The following KCNQ3 variants were observed in gnomAD, a reference collection of about 807,000 sequenced individuals.
KCNQ3 encodes the protein potassium voltage-gated channel subfamily KQT member 3.
In KCNQ3, 30 loss-of-function variants were observed where a neutral mutation model predicts 92.5. The observed-to-expected ratio is 0.32, with a 90% CI of 0.24 to 0.44. KCNQ3 has a LOEUF of 0.44. Among genes scored for constraint, KCNQ3 ranks in the 20% least tolerant of loss-of-function variants. The probability of loss-of-function intolerance (pLI) is 1.00; values close to 1 mark genes in which losing one functional copy is unlikely to be tolerated. For synonymous variants in KCNQ3, 450 were observed against 468.8 expected, an observed-to-expected ratio of 0.96 and a Z score of 0.52; for missense variants, 913 against 1,140.3, an observed-to-expected ratio of 0.80 and a Z score of 2.87.
chr8:132,249,230 A>G (rs7814576), intron 1 of KCNQ3, among the ~76,000 whole-genome samples: 102,720 of 152,126 alleles, frequency 0.68, 35,662 homozygotes, highest in East Asian at 0.86. Flanking sequence ...TGCCACTGCC[A>G]GCTGGGGCAG....
Position 132,380,839 on chromosome 8 carries a change from C to G in KCNQ3, c.386+99308G>C, listed in dbSNP as rs939900351. ...ACACAGCTCTGCAGACCTCCCAGCCCCAGAGAAAGTCCCAGCTCATCACGA... is the reference window on the plus strand; with the variant it reads ...ACACAGCTCTGCAGACCTCCCAGCCGCAGAGAAAGTCCCAGCTCATCACGA... On this transcript the variant is annotated intron_variant, in intron 1 of 14. Coordinates refer to ENST00000388996, the MANE Select transcript of KCNQ3 (RefSeq NM_004519.4). 4.6e-5 allele frequency among the ~76,000 whole-genome samples: 7 copies of G among 151,442 alleles called. No homozygotes were observed. In the South Asian group the frequency reaches 1.5e-3, roughly 32 times the overall value.
chr8:132,260,363 C>T (rs886899850), intron 1 of KCNQ3, among the ~76,000 whole-genome samples: 5 of 152,114 alleles, frequency 3.3e-5, no homozygotes, highest in African/African-American at 9.7e-5. Context: ...CAAGGTTCTA[C>T]GTGTCAAACT....
intron 1 of KCNQ3, among the ~76,000 whole-genome samples, chr8:132,412,270 C>T (rs1183802925): frequency 6.6e-6 from 1 of 152,152 alleles, no homozygotes; most frequent in Non-Finnish European, 1.5e-5. Flanking sequence ...TAGCTCCCCC[C>T]ACCCGCCGGC....
chr8:132,394,146 G>C (rs1018132889), intron 1 of KCNQ3, among the ~76,000 whole-genome samples: 3 of 152,246 alleles, frequency 2.0e-5, no homozygotes, highest in Admixed American at 6.5e-5. Flanking sequence ...AGGGCAAGAA[G>C]CGCAAGTACT....
chr8:132,320,639 T>C (rs1232977666), intron 1 of KCNQ3, among the ~76,000 whole-genome samples: 2 of 152,098 alleles, frequency 1.3e-5, no homozygotes, highest in East Asian at 3.9e-4. Flanking sequence ...GAGGAGAAGC[T>C]GGAACTTGAT....
rs550869888 is a variant in KCNQ3, at chr8:132,129,140, C to G, written c.*122G>C. Reference sequence around the variant, plus strand: ...GAAGCCCCTGCCTGGGTGGGGCCACCACGCACACGCATGCATTTGATGCAG... The same window carrying G: ...GAAGCCCCTGCCTGGGTGGGGCCACGACGCACACGCATGCATTTGATGCAG... On this transcript the variant is annotated 3_prime_UTR_variant, in exon 15 of 15. Coordinates refer to ENST00000388996, the MANE Select transcript of KCNQ3 (RefSeq NM_004519.4). The surrounding 1 kb of genome is among the most constrained non-coding windows in gnomAD (Gnocchi z 5.9). The G allele has an allele frequency of 5.7e-6, 7 of 1,230,620 alleles. No individual in the cohort carries two copies. The highest frequency in any genetic ancestry group is 2.7e-4 in the Middle Eastern group (1 of 3,644). 76.2% of individuals were successfully genotyped at this position (1,230,620 alleles called of 1,614,324 possible). A position where few individuals can be genotyped will look rare whatever the true frequency, so the allele number is the denominator to read the frequency against.
intron 1 of KCNQ3, among the ~76,000 whole-genome samples, chr8:132,347,862 A>G (rs2130698908): frequency 6.6e-6 from 1 of 151,830 alleles, no homozygotes; most frequent in Admixed American, 6.6e-5. Context: ...CTGTAGTCCC[A>G]GCTACTTGGG....
At chr8:132,152,569 G>A (rs1363078473) in intron 9 of KCNQ3, among the ~76,000 whole-genome samples, 2 of 152,158 alleles carry the variant, frequency 1.3e-5, no homozygotes, top group East Asian at 3.8e-4. Flanking sequence ...GGCTTTGACT[G>A]GAAGGGTATT....
chr8:132,215,150 C>T (rs1317580065), intron 1 of KCNQ3, among the ~76,000 whole-genome samples: 1 of 152,238 alleles, frequency 6.6e-6, no homozygotes, highest in East Asian at 1.9e-4. Flanking sequence ...ACCTGAGTCT[C>T]AATTCAGCCA....
chr8:132,470,214 C>T (rs978724944), intron 1 of KCNQ3, among the ~76,000 whole-genome samples: 2 of 152,280 alleles, frequency 1.3e-5, no homozygotes, highest in Non-Finnish European at 1.5e-5. Context: ...CTCAGCCTGG[C>T]TTCATGTCGG....
Position 132,224,564 on chromosome 8 carries a change from T to C in KCNQ3, c.387-38383A>G, listed in dbSNP as rs141747007. 2.2e-3 allele frequency among the ~76,000 whole-genome samples: 340 copies of C among 152,260 alleles called. 1 individual carries two copies. Among genetic ancestry groups the C allele is most frequent in the Non-Finnish European group, 4.1e-3 (277 of 68,014 alleles). On this transcript the variant is annotated intron_variant, in intron 1 of 14. Transcript: ENST00000388996. ...AACTTCTCCATCAGCAGGAACATAATGTACTCTCAAGAACCAAACCCAAGG... is the reference window on the plus strand; with the variant it reads ...AACTTCTCCATCAGCAGGAACATAACGTACTCTCAAGAACCAAACCCAAGG...
At chr8:132,256,870 G>A (rs747800537) in intron 1 of KCNQ3, among the ~76,000 whole-genome samples, 1 of 152,246 alleles carries the variant, frequency 6.6e-6, no homozygotes, top group Non-Finnish European at 1.5e-5. Flanking sequence ...ATTGAAAGGA[G>A]TCTTTTAGGA....
chr8:132,310,659 C>T (rs941751722), intron 1 of KCNQ3, among the ~76,000 whole-genome samples: 2 of 152,208 alleles, frequency 1.3e-5, no homozygotes, highest in Non-Finnish European at 2.9e-5. Context: ...GACTGGACGC[C>T]TTCACAGCTG....
chr8:132,378,201 C>T (rs958997990), intron 1 of KCNQ3, among the ~76,000 whole-genome samples: 5 of 152,064 alleles, frequency 3.3e-5, no homozygotes, highest in Non-Finnish European at 5.9e-5. Flanking sequence ...TGAGATGAGC[C>T]TGGCCAACAT....
At chr8:132,234,866 C>A (rs1353251431) in intron 1 of KCNQ3, among the ~76,000 whole-genome samples, 1 of 152,132 alleles carries the variant, frequency 6.6e-6, no homozygotes, top group East Asian at 1.9e-4. Flanking sequence ...CCTGGCCCAG[C>A]CCCCATCCAA....
intron 1 of KCNQ3, among the ~76,000 whole-genome samples, chr8:132,236,943 C>A (rs1814835892): frequency 6.6e-6 from 1 of 152,186 alleles, no homozygotes; most frequent in Non-Finnish European, 1.5e-5. Flanking sequence ...AAACAGAGAC[C>A]TCAGTCCTAC....
intron 1 of KCNQ3, among the ~76,000 whole-genome samples, chr8:132,376,844 T>C (rs955716267): frequency 2.0e-5 from 3 of 152,066 alleles, no homozygotes; most frequent in South Asian, 4.2e-4. Context: ...AGGAACTGGA[T>C]CCCCAAAGAG....
intron 1 of KCNQ3, among the ~76,000 whole-genome samples, chr8:132,462,179 G>GTATTTATTTATT (rs67201471): frequency 1.1e-4 from 16 of 150,020 alleles, no homozygotes; most frequent in African/African-American, 3.7e-4. Flanking sequence ...ATTTATTTAT[G>GTATTTATTTATT]TATTTATTTA....
At chr8:132,411,993 G>A (rs905472779) in intron 1 of KCNQ3, among the ~76,000 whole-genome samples, 6 of 152,140 alleles carry the variant, frequency 3.9e-5, no homozygotes, top group African/African-American at 1.4e-4. Context: ...CTTTTCTGGG[G>A]TTAGGCAACT....
Sources: gnomAD v4.1 joint callset for allele counts (sites outside exome capture counted in the v4.1 genomes callset) on GRCh38, gnomAD v4.1.1 for gene constraint, Gnocchi (gnomAD v3.1) non-coding constraint, MANE v1.5 for transcripts, NCBI Gene and HGNC (gene_info 2026-07-23, HGNC 2026-07-21) for gene names.